ZCCHC14: variants seen among roughly 807,000 people sequenced by gnomAD.
ZCCHC14 encodes zinc finger CCHC domain-containing protein 14.
In ZCCHC14, 16 loss-of-function variants were observed where a neutral mutation model predicts 85.0. The ratio of observed to expected loss-of-function variants is 0.19; its 90% CI spans 0.13 to 0.29. The LOEUF is 0.29. Ranked by LOEUF, ZCCHC14 falls within the 10% of genes least tolerant of loss-of-function variation. The pLI, the probability that ZCCHC14 is intolerant of heterozygous loss-of-function variation, is 1.00. For synonymous variants in ZCCHC14, 775 were observed against 630.7 expected (o/e 1.23, Z -3.43); for missense variants, 1,303 against 1,443.5 (o/e 0.90, Z 1.58).
Position 87,411,890 on chromosome 16 carries a change from G to A in ZCCHC14, c.2831C>T (p.Ala944Val). 3 of 1,597,870 alleles carry A rather than the reference G, an allele frequency of 1.9e-6. No homozygotes were observed. The highest frequency in any genetic ancestry group is 2.6e-6 in the Non-Finnish European group (3 of 1,173,432). ...CGSSGLTVSY[A>V]NYFQHPFSGP... ...GGAGAACGGGTGCTGGAAGTAGTTGGCGTAGCTGACAGTCAGGCCACTCGA... is the reference window on the plus strand; with the variant it reads ...GGAGAACGGGTGCTGGAAGTAGTTGACGTAGCTGACAGTCAGGCCACTCGA... The change falls in exon 12 of 13, where the codon GCC (alanine) becomes GTC (valine). Residue 944 changes from alanine (A) to valine (V), a missense_variant. Ala to Val is a moderately conservative substitution (Grantham distance 64, BLOSUM62 0). Around this residue, in one of 7 missense-constraint regions of ZCCHC14, gnomAD observed 797 missense variants for 730.8 expected, o/e 1.09. Coordinates refer to ENST00000671377, the MANE Select transcript of ZCCHC14 (RefSeq NM_015144.3).
In ZCCHC14 at chr16:87,491,105, G is replaced by A. The variant is rs1332705619; in HGVS notation, c.570+564C>T. ...GCAATGTGTGTTATCTGTCACCCAA[G>A]GGCCCCATTAAGGGGACAAAGGCCT... On this transcript the variant is annotated intron_variant, in intron 1 of 12. Transcript: ENST00000671377. The surrounding 1 kb of genome is among the most constrained non-coding windows in gnomAD (Gnocchi z 5.9). Among the ~76,000 whole-genome samples the A allele has an allele frequency of 3.3e-5, 5 of 152,244 alleles. No homozygotes were observed. The highest frequency in any genetic ancestry group is 7.3e-5 in the Non-Finnish European group (5 of 68,046).
intron 2 of ZCCHC14, among the ~76,000 whole-genome samples, chr16:87,440,465 G>A (rs1348162697): frequency 6.6e-6 from 1 of 151,916 alleles, no homozygotes; most frequent in Admixed American, 6.6e-5. Flanking sequence ...GTGCCCAGCT[G>A]ATTCTAAAGT....
At chr16:87,481,085 C>A (rs749593151) in intron 1 of ZCCHC14, among the ~76,000 whole-genome samples, 1 of 152,072 alleles carries the variant, frequency 6.6e-6, no homozygotes, top group Non-Finnish European at 1.5e-5. Flanking sequence ...TAAGAGGGGG[C>A]CAGTGACACC....
intron 4 of ZCCHC14, 44 bp downstream of exon 4, chr16:87,423,766 A>C (rs376259408): frequency 6.2e-6 from 10 of 1,600,694 alleles, no homozygotes; most frequent in Non-Finnish European, 7.7e-6. Context: ...GCCACTGGGG[A>C]ATGTGATTCT....
At chr16:87,425,871 C>G (rs574890014) in intron 3 of ZCCHC14, among the ~76,000 whole-genome samples, 79 of 152,320 alleles carry the variant, frequency 5.2e-4, no homozygotes, top group South Asian at 6.2e-4. Flanking sequence ...CTACTGCGCC[C>G]TAACCCAGGG....
rs749199559 is a variant in ZCCHC14 at position 87,410,253 on chromosome 16, A to G, written c.*27T>C. ...ATTTTCCTTATGTCTCCATGGCTTAATAACGTTCTGTTGCCAGAGAAAAAT... is the reference window on the plus strand; with the variant it reads ...ATTTTCCTTATGTCTCCATGGCTTAGTAACGTTCTGTTGCCAGAGAAAAAT... On this transcript the variant is annotated 3_prime_UTR_variant, in exon 13 of 13. Coordinates refer to ENST00000671377, the MANE Select transcript of ZCCHC14 (RefSeq NM_015144.3). The G allele has an allele frequency of 1.3e-6, 1 of 753,028 alleles. No homozygotes were observed. The highest frequency in any genetic ancestry group is 1.9e-5 in the Admixed American group (1 of 52,502). The allele number at this position is 753,028 out of a possible 1,614,324, so 46.6% of individuals were successfully genotyped here. A position where few individuals can be genotyped will look rare whatever the true frequency, so the allele number is the denominator to read the frequency against.
At chr16:87,431,289 T>C (rs1438398202) in intron 3 of ZCCHC14, among the ~76,000 whole-genome samples, 1 of 151,636 alleles carries the variant, frequency 6.6e-6, no homozygotes, top group Non-Finnish European at 1.5e-5. Flanking sequence ...CTGGCTAACA[T>C]GGTGAAACCC....
At chr16:87,425,100 G>C (rs1909300242) in intron 3 of ZCCHC14, among the ~76,000 whole-genome samples, 1 of 152,016 alleles carries the variant, frequency 6.6e-6, no homozygotes, top group African/African-American at 2.4e-5. Context: ...ACATCACGTA[G>C]CGTCACTCCT....
At chr16:87,441,613 T>A (rs1441938955) in intron 2 of ZCCHC14, among the ~76,000 whole-genome samples, 1 of 152,224 alleles carries the variant, frequency 6.6e-6, no homozygotes, top group Non-Finnish European at 1.5e-5. Flanking sequence ...AGAACTCTGA[T>A]TTTAGCAAAT....
intron 1 of ZCCHC14, chr16:87,473,580 A>G (rs994741946): frequency 6.6e-6 from 1 of 152,234 alleles, no homozygotes; most frequent in South Asian, 2.1e-4. Context: ...GAATATGCTT[A>G]AATACTGGGG....
Position 87,491,007 on chromosome 16 carries a change from G to A in ZCCHC14, c.570+662C>T, listed in dbSNP as rs1597189614. 6.6e-6 allele frequency among the ~76,000 whole-genome samples: 1 copy of A among 152,238 alleles called. No individual in the cohort carries two copies. Among genetic ancestry groups the A allele is most frequent in the Non-Finnish European group, 1.5e-5 (1 of 68,044 alleles). On this transcript the variant is annotated intron_variant, in intron 1 of 12. Transcript: ENST00000671377. The surrounding 1 kb of genome is among the most constrained non-coding windows in gnomAD (Gnocchi z 5.9). ...AGCGCCTTGCAATGTTCACCTCACC[G>A]GCGGCTTCTGGCGTGGCCACGGCTC... is the stretch of plus-strand genomic sequence containing the variant.
intron 1 of ZCCHC14, among the ~76,000 whole-genome samples, chr16:87,475,876 G>T (rs1409062744): frequency 6.6e-6 from 1 of 152,072 alleles, no homozygotes; most frequent in Non-Finnish European, 1.5e-5. Flanking sequence ...CTGGCAGAAG[G>T]CATAAATTTA....
intron 1 of ZCCHC14, among the ~76,000 whole-genome samples, chr16:87,475,839 G>C (rs1169203002): frequency 6.6e-6 from 1 of 152,134 alleles, no homozygotes; most frequent in Non-Finnish European, 1.5e-5. Flanking sequence ...ACATTTTGGA[G>C]AAATTATGGC....
At chr16:87,433,580 ATG>A (rs1909767859) in intron 2 of ZCCHC14, among the ~76,000 whole-genome samples, 1 of 152,224 alleles carries the variant, frequency 6.6e-6, no homozygotes. Flanking sequence ...TGAAAAGGTA[ATG>A]CTCAGCATTT....
chr16:87,409,724 C>T lies in ZCCHC14; in HGVS notation c.*556G>A, dbSNP rs1030833505. The T allele has an allele frequency of 6.6e-6, 1 of 152,648 alleles. No homozygotes were observed. The highest frequency in any genetic ancestry group is 6.5e-5 in the Admixed American group (1 of 15,288). The allele number at this position is 152,648 out of a possible 1,614,324, so 9.5% of individuals were successfully genotyped here. On this transcript the variant is annotated 3_prime_UTR_variant, in exon 13 of 13. Transcript: ENST00000671377. ...ATTGGAGTCTCTTGCACTGACTGTT[C>T]TCAGAGGAGTTTGGCTCCCAGAACC...
intron 3 of ZCCHC14, among the ~76,000 whole-genome samples, chr16:87,428,812 C>A (rs539118510): frequency 6.6e-6 from 1 of 152,196 alleles, no homozygotes; most frequent in Non-Finnish European, 1.5e-5. Flanking sequence ...TGGAAGGAGT[C>A]GTCTAGTTTC....
intron 1 of ZCCHC14, among the ~76,000 whole-genome samples, chr16:87,462,030 G>GT (rs1911284714): frequency 6.6e-6 from 1 of 152,134 alleles, no homozygotes; most frequent in East Asian, 1.9e-4. Flanking sequence ...CACTTTGGGA[G>GT]GCTGAGGCAG....
chr16:87,486,350 T>G (rs1168570336), intron 1 of ZCCHC14, among the ~76,000 whole-genome samples: 2 of 152,240 alleles, frequency 1.3e-5, no homozygotes, highest in Non-Finnish European at 2.9e-5. Flanking sequence ...GTACCTATTC[T>G]GTGTTTAGAT....
chr16:87,432,640 C>A (rs1250853747), intron 3 of ZCCHC14, among the ~76,000 whole-genome samples: 1 of 152,178 alleles, frequency 6.6e-6, no homozygotes, highest in Non-Finnish European at 1.5e-5. Context: ...GCCATCTCGA[C>A]CCTGGTCACC....
Sources: allele counts gnomAD v4.1 joint callset (sites outside exome capture counted in the v4.1 genomes callset), GRCh38; gene constraint gnomAD v4.1.1; regional missense constraint gnomAD v4.1.1; non-coding constraint Gnocchi (gnomAD v3.1); transcripts MANE v1.5; gene names NCBI Gene and HGNC (gene_info 2026-07-23, HGNC 2026-07-21).